PVT1: variants seen among roughly 807,000 people sequenced by gnomAD.
PVT1 encodes the protein Pvt1 oncogene.
chr8:127,882,216 C>G (rs538957709), intron 2 of PVT1, among the ~76,000 whole-genome samples: 2 of 152,274 alleles, frequency 1.3e-5, no homozygotes, highest in African/African-American at 4.8e-5. Context: ...CACTCGAAGG[C>G]TTGGGAATTC....
At chr8:127,911,111 C>T (rs1815892097) in intron 3 of PVT1, among the ~76,000 whole-genome samples, 1 of 152,082 alleles carries the variant, frequency 6.6e-6, no homozygotes, top group Non-Finnish European at 1.5e-5. Flanking sequence ...AGACTTCCAC[C>T]TCCTCTTCCT....
chr8:127,874,891 G>C lies in PVT1; in HGVS notation n.373-15698G>C, dbSNP rs939313535. Among the ~76,000 whole-genome samples the C allele has an allele frequency of 4.0e-5, 6 of 149,514 alleles. No homozygotes were observed. The Admixed American group carries it at 4.1e-4, about 10-fold the overall frequency. ...GGCCCTTCCCTCGCTCTGCAGTCTT[G>C]GTTGGCCTCCAGGTGTGTGTGTGTG... is the stretch of plus-strand genomic sequence containing the variant. On this transcript the variant is annotated intron_variant and non_coding_transcript_variant, in intron 2 of 10. Transcript: ENST00000651587.
At chr8:127,991,839 A>C (rs1002660109) in intron 4 of PVT1, among the ~76,000 whole-genome samples, 4 of 152,066 alleles carry the variant, frequency 2.6e-5, no homozygotes, top group Admixed American at 6.5e-5. Flanking sequence ...CACTTCTCAC[A>C]CTGGGAGCCT....
At chr8:127,858,963 A>G (rs2129747525) in intron 2 of PVT1, among the ~76,000 whole-genome samples, 1 of 151,568 alleles carries the variant, frequency 6.6e-6, no homozygotes, top group East Asian at 1.9e-4. Flanking sequence ...GTGTGCCACC[A>G]CGCTTGACTA....
chr8:127,935,429 G>T (rs192877108), intron 3 of PVT1, among the ~76,000 whole-genome samples: 106 of 150,216 alleles, frequency 7.1e-4, no homozygotes, highest in African/African-American at 2.4e-3. Flanking sequence ...CCAGGTCAGG[G>T]TGTGTGTGTG....
At chr8:127,904,975 G>A (rs948764363) in intron 3 of PVT1, among the ~76,000 whole-genome samples, 5 of 152,200 alleles carry the variant, frequency 3.3e-5, no homozygotes, top group South Asian at 2.1e-4. Flanking sequence ...TTCAGGCTTC[G>A]TATTGACTTC....
intron 3 of PVT1, among the ~76,000 whole-genome samples, chr8:127,955,139 C>G (rs1263534270): frequency 6.6e-6 from 1 of 152,110 alleles, no homozygotes; most frequent in African/African-American, 2.4e-5. Flanking sequence ...AGGGTGGGCC[C>G]TAAGCCAACT....
chr8:128,057,923 C>G (rs1813780790), intron 4 of PVT1, among the ~76,000 whole-genome samples: 1 of 152,148 alleles, frequency 6.6e-6, no homozygotes, highest in South Asian at 2.1e-4. Flanking sequence ...ACTAGTCTTA[C>G]CATGGATACC....
Position 128,017,727 on chromosome 8 carries a change from A to T in PVT1, n.912+28436A>T, listed in dbSNP as rs566147268. Among the ~76,000 whole-genome samples, 23 of 152,122 alleles carry T rather than the reference A, an allele frequency of 1.5e-4. No homozygotes were observed. The East Asian group carries it at 4.4e-3, about 29-fold the overall frequency. ...GCTGGAATTATAGGCGTGAGCCATCATGCCCAGCCCTCCTTAATTTTTTAA... is the reference window on the plus strand; with the variant it reads ...GCTGGAATTATAGGCGTGAGCCATCTTGCCCAGCCCTCCTTAATTTTTTAA... On this transcript the variant is annotated intron_variant and non_coding_transcript_variant, in intron 4 of 10. Coordinates refer to ENST00000651587, the Ensembl canonical transcript of PVT1.
chr8:127,841,042 G>A (rs1405718523), intron 2 of PVT1, among the ~76,000 whole-genome samples: 7 of 152,192 alleles, frequency 4.6e-5, no homozygotes, highest in African/African-American at 7.2e-5. Flanking sequence ...AGCTTGCTCC[G>A]GGAATCGATG....
At chr8:128,085,230 G>T (rs558646880) in intron 5 of PVT1, among the ~76,000 whole-genome samples, 4 of 152,168 alleles carry the variant, frequency 2.6e-5, no homozygotes, top group South Asian at 2.1e-4. Flanking sequence ...CCTGAGAGCC[G>T]CCATCTTGGA....
chr8:128,063,661 A>G (rs1813861162), intron 4 of PVT1, among the ~76,000 whole-genome samples: 1 of 152,220 alleles, frequency 6.6e-6, no homozygotes, highest in Non-Finnish European at 1.5e-5. Context: ...AAATCTAAAA[A>G]AGTTGATCTC....
At chr8:127,942,065 G>C (rs2129909231) in intron 3 of PVT1, among the ~76,000 whole-genome samples, 1 of 152,296 alleles carries the variant, frequency 6.6e-6, no homozygotes, top group South Asian at 2.1e-4. Flanking sequence ...CACAGATGTT[G>C]GGCCCTCAGA....
intron 3 of PVT1, among the ~76,000 whole-genome samples, chr8:127,985,381 C>T (rs1425037845): frequency 2.0e-5 from 3 of 151,930 alleles, no homozygotes; most frequent in Non-Finnish European, 2.9e-5. Context: ...CCTGCCTAAG[C>T]CTCCCAAAGA....
At chr8:127,859,171 T>G (rs1245780027) in intron 2 of PVT1, among the ~76,000 whole-genome samples, 1 of 152,116 alleles carries the variant, frequency 6.6e-6, no homozygotes, top group Non-Finnish European at 1.5e-5. Flanking sequence ...CCTCACAACC[T>G]TCTTATGCTT....
At chr8:127,967,475 C>G (rs890277444) in intron 3 of PVT1, among the ~76,000 whole-genome samples, 6 of 152,328 alleles carry the variant, frequency 3.9e-5, no homozygotes, top group African/African-American at 1.4e-4. Flanking sequence ...AGCACTGGGG[C>G]CACCCTGAGC....
intron 2 of PVT1, among the ~76,000 whole-genome samples, chr8:127,880,753 A>G (rs753043018): frequency 2.0e-5 from 3 of 152,024 alleles, no homozygotes; most frequent in Non-Finnish European, 4.4e-5. Flanking sequence ...GGCGTGCACC[A>G]CCATGACTGG....
At chr8:127,829,335 T>A (rs1238462416) in intron 2 of PVT1, among the ~76,000 whole-genome samples, 1 of 152,108 alleles carries the variant, frequency 6.6e-6, no homozygotes, top group Non-Finnish European at 1.5e-5. Flanking sequence ...CACACACATG[T>A]GTATATATGA....
chr8:128,058,747 T>C (rs1163464892), intron 4 of PVT1, among the ~76,000 whole-genome samples: 5 of 152,222 alleles, frequency 3.3e-5, no homozygotes, highest in Non-Finnish European at 5.9e-5. Flanking sequence ...GGTTAGGCTA[T>C]TGAGGTTGCG....
Sources: gnomAD v4.1 joint callset for allele counts (sites outside exome capture counted in the v4.1 genomes callset) on GRCh38, gnomAD v4.1.1 for gene constraint, MANE v1.5 for transcripts, NCBI Gene and HGNC (gene_info 2026-07-23, HGNC 2026-07-21) for gene names.